The following QTMAN variants were observed in gnomAD, a reference collection of about 807,000 sequenced individuals.
QTMAN encodes the protein tRNA-queuosine alpha-mannosyltransferase.
chr2:144,131,052 A>C, the QTMAN span, among the ~76,000 whole-genome samples: 1 of 152,010 alleles, frequency 6.6e-6, no homozygotes, highest in East Asian at 1.9e-4. Flanking sequence ...AATGATAAGA[A>C]ACAATTATAT....
chr2:144,181,383 G>C, the QTMAN span, among the ~76,000 whole-genome samples: 2 of 151,980 alleles, frequency 1.3e-5, no homozygotes, highest in Non-Finnish European at 2.9e-5. Context: ...AGTTTTTTAG[G>C]AACTAAGTAA....
the QTMAN span, among the ~76,000 whole-genome samples, chr2:143,953,565 G>A: frequency 2.0e-5 from 3 of 151,938 alleles, no homozygotes; most frequent in South Asian, 6.2e-4. Flanking sequence ...CCACCTATGG[G>A]AAGTTTTTCT....
the QTMAN span, among the ~76,000 whole-genome samples, chr2:143,982,853 C>CAAAAAAAA: frequency 1.6e-5 from 1 of 61,038 alleles, no homozygotes; most frequent in African/African-American, 5.2e-5. Flanking sequence ...GACTCTGTCT[C>CAAAAAAAA]AAAAAAAAAA....
chr2:144,021,503 G>A, the QTMAN span, among the ~76,000 whole-genome samples: 9 of 151,998 alleles, frequency 5.9e-5, no homozygotes, highest in South Asian at 2.1e-4. Context: ...TTGACCCAAG[G>A]GCCCAAAGAG....
the QTMAN span, among the ~76,000 whole-genome samples, chr2:144,176,556 A>G: frequency 1.3e-5 from 2 of 152,198 alleles, no homozygotes; most frequent in Non-Finnish European, 2.9e-5. Flanking sequence ...TAAAATTATC[A>G]GTATTTTTAG....
At chr2:144,269,090 C>T in the QTMAN span, among the ~76,000 whole-genome samples, 1 of 152,076 alleles carries the variant, frequency 6.6e-6, no homozygotes. Flanking sequence ...CACTCGGCCC[C>T]CAAGTTTCCA....
the QTMAN span, among the ~76,000 whole-genome samples, chr2:144,204,592 T>C: frequency 6.6e-6 from 1 of 152,212 alleles, no homozygotes; most frequent in Non-Finnish European, 1.5e-5. Context: ...TGGCAATTCC[T>C]CAAGGATCTA....
At chr2:144,200,253 A>C in the QTMAN span, among the ~76,000 whole-genome samples, 6 of 152,262 alleles carry the variant, frequency 3.9e-5, no homozygotes, top group Non-Finnish European at 8.8e-5. Context: ...AAACAATTGC[A>C]GTATCCAAGC....
At chr2:144,305,446 T>C in the QTMAN span, among the ~76,000 whole-genome samples, 2 of 147,962 alleles carry the variant, frequency 1.4e-5, no homozygotes, top group East Asian at 3.8e-4. Flanking sequence ...TCAATTATAT[T>C]CCAGTGACCT....
the QTMAN span, among the ~76,000 whole-genome samples, chr2:144,190,713 T>G: frequency 6.6e-6 from 1 of 152,180 alleles, no homozygotes; most frequent in Non-Finnish European, 1.5e-5. Context: ...AGCAAAATTT[T>G]TAATGATGTA....
At chr2:143,998,969 A>C in the QTMAN span, among the ~76,000 whole-genome samples, 1 of 151,928 alleles carries the variant, frequency 6.6e-6, no homozygotes. Context: ...CCTCAACTGG[A>C]CTTACTGAGC....
At chr2:143,939,534 T>C in the QTMAN span, 1 of 152,152 alleles carries the variant, frequency 6.6e-6, no homozygotes, top group Non-Finnish European at 1.5e-5. Flanking sequence ...GAATAAATGC[T>C]TTTTTTGACT....
At chr2:144,155,695 G>C in the QTMAN span, among the ~76,000 whole-genome samples, 1 of 152,156 alleles carries the variant, frequency 6.6e-6, no homozygotes, top group Non-Finnish European at 1.5e-5. Flanking sequence ...CTACTGACCA[G>C]TCAAGCCAGA....
the QTMAN span, among the ~76,000 whole-genome samples, chr2:144,231,894 T>TG: frequency 8.4e-6 from 1 of 118,714 alleles, no homozygotes; most frequent in Non-Finnish European, 1.9e-5. Flanking sequence ...GTGTGTGTGT[T>TG]ATCTTTACTC....
At chr2:144,064,551 T>G in the QTMAN span, among the ~76,000 whole-genome samples, 5 of 152,298 alleles carry the variant, frequency 3.3e-5, no homozygotes, top group East Asian at 7.7e-4. Flanking sequence ...CACAGGAACC[T>G]GCGTTTGAGG....
chr2:144,332,195 C>A, the QTMAN span, among the ~76,000 whole-genome samples: 200 of 152,034 alleles, frequency 1.3e-3, no homozygotes, highest in African/African-American at 4.7e-3. Flanking sequence ...CGCCCCATTC[C>A]GAGCGCGGTG....
the QTMAN span, among the ~76,000 whole-genome samples, chr2:144,238,067 G>A: frequency 9.2e-5 from 14 of 152,172 alleles, no homozygotes; most frequent in Non-Finnish European, 1.8e-4. Context: ...CCAAGAGCCA[G>A]AATTACCCAG....
At chr2:144,065,356 C>T in the QTMAN span, among the ~76,000 whole-genome samples, 1 of 152,140 alleles carries the variant, frequency 6.6e-6, no homozygotes, top group African/African-American at 2.4e-5. Context: ...CCTTTCTTGG[C>T]CCTGCTCTGT....
the QTMAN span, among the ~76,000 whole-genome samples, chr2:144,183,214 G>A: frequency 1.3e-5 from 2 of 151,784 alleles, no homozygotes; most frequent in African/African-American, 4.8e-5. Flanking sequence ...AATACACTAT[G>A]TTTATAAGCA....
Sources: gnomAD v4.1 joint callset for allele counts (sites outside exome capture counted in the v4.1 genomes callset) on GRCh38, gnomAD v4.1.1 for gene constraint, MANE v1.5 for transcripts, NCBI Gene and HGNC (gene_info 2026-07-23, HGNC 2026-07-21) for gene names.